Variants in DDX42 observed in about 807,000 individuals in gnomAD.
DDX42 encodes the protein ATP-dependent RNA helicase DDX42.
DDX42 carries 22 observed loss-of-function variants against 101.5 expected under a neutral mutation model. The ratio of observed to expected loss-of-function variants is 0.22; its 90% CI spans 0.15 to 0.31. The LOEUF is 0.31. Among genes scored for constraint, DDX42 ranks in the 10% least tolerant of loss-of-function variants. The pLI, the probability that DDX42 is intolerant of heterozygous loss-of-function variation, is 1.00. For synonymous variants in DDX42, 402 were observed against 401.2 expected (o/e 1.00, Z -0.02); for missense variants, 849 against 1,199.9 (o/e 0.71, Z 4.32).
At chr17:63,812,743 A>C (rs991111236) in intron 14 of DDX42, among the ~76,000 whole-genome samples, 6 of 152,102 alleles carry the variant, frequency 3.9e-5, no homozygotes, top group African/African-American at 7.2e-5. Flanking sequence ...TAAAAGTCCC[A>C]GTCGGGCACG....
chr17:63,802,958 A>C (rs1460900211), intron 6 of DDX42, among the ~76,000 whole-genome samples: 3 of 152,196 alleles, frequency 2.0e-5, no homozygotes, highest in Admixed American at 6.5e-5. Flanking sequence ...AGAATTTGGA[A>C]AACTTACATC....
At chr17:63,799,224 T>C (rs1026351654) in intron 4 of DDX42, among the ~76,000 whole-genome samples, 2 of 152,212 alleles carry the variant, frequency 1.3e-5, no homozygotes, top group African/African-American at 4.8e-5. Flanking sequence ...ATACAAGATT[T>C]TTTTTTTCTT....
chr17:63,818,480 G>C lies in DDX42; in HGVS notation c.*82G>C. On this transcript the variant is annotated 3_prime_UTR_variant, in exon 18 of 18. Transcript: ENST00000389924. ...AACTAGGTGTCTCAGGGCTGGGTTG[G>C]GGTCCAAAGTGTAAGGACCCCCTGC... The C allele has an allele frequency of 7.3e-7, 1 of 1,371,592 alleles. No homozygotes were observed. The highest frequency in any genetic ancestry group is 9.8e-7 in the Non-Finnish European group (1 of 1,019,310). The allele number at this position is 1,371,592 out of a possible 1,614,324, so 85.0% of individuals were successfully genotyped here.
rs767786291 is a variant in DDX42 at position 63,818,210 on chromosome 17, G to A, written c.2629G>A (p.Ala877Thr). 3 of 1,614,044 alleles carry A rather than the reference G, an allele frequency of 1.9e-6. No homozygotes were observed. Among genetic ancestry groups the A allele is most frequent in the South Asian group, 2.2e-5 (2 of 91,076 alleles). ...AGGCCGGCATGGGGAGAACCGGGGT[G>A]CAAATGATGGTCGGAATGGGGAAAG... ...SAGRHGENRG[A>T]NDGRNGESRK... Residue 877 changes from alanine (A) to threonine (T), a missense_variant, in exon 18 of 18, where the codon GCA becomes ACA. By Grantham distance (58) the Ala-to-Thr change is moderately conservative. This residue lies in a region of DDX42 where 300 missense variants were observed against 304.9 expected (regional missense o/e 0.98). Transcript: ENST00000389924.
Position 63,787,032 on chromosome 17 carries a change from A to C in DDX42, c.-16-2A>C, listed in dbSNP as rs1418099919. ...TATATTTGTGTATCTTATTCCTAACAGGTCAGTCATTGGCACCATGAACTG... is the reference window on the plus strand; with the variant it reads ...TATATTTGTGTATCTTATTCCTAACCGGTCAGTCATTGGCACCATGAACTG... On this transcript the variant is annotated splice_acceptor_variant, in intron 1 of 17. Transcript: ENST00000389924. LOFTEE classifies it low-confidence loss of function (5UTR_SPLICE). 6.2e-7 allele frequency: 1 copy of C among 1,613,792 alleles called. No homozygotes were observed. Among genetic ancestry groups the C allele is most frequent in the South Asian group, 1.1e-5 (1 of 91,038 alleles).
chr17:63,798,151 T>C (rs1191946748), intron 4 of DDX42, 52 bp downstream of exon 4: 1 of 1,554,886 alleles, frequency 6.4e-7, no homozygotes, highest in East Asian at 2.3e-5. Flanking sequence ...TGCTGAAGTA[T>C]TGCAAAGTCT....
intron 1 of DDX42, among the ~76,000 whole-genome samples, chr17:63,780,310 A>C (rs2039472278): frequency 1.3e-5 from 2 of 152,092 alleles, no homozygotes. Flanking sequence ...AACAAAAAAA[A>C]AAAAAAGTAG....
chr17:63,790,540 C>T (rs1433666734), intron 2 of DDX42, among the ~76,000 whole-genome samples: 3 of 152,156 alleles, frequency 2.0e-5, no homozygotes, highest in Admixed American at 6.6e-5. Flanking sequence ...GCGGGCGGAT[C>T]GCCTGAAGTC....
rs767638323 is a variant in DDX42 at position 63,817,755 on chromosome 17, C to T, written c.2174C>T (p.Ala725Val). Residue 725 changes from alanine (A) to valine (V), a missense_variant, in exon 18 of 18, where the codon GCT becomes GTT. Physicochemically the swap from Ala to Val is moderately conservative, Grantham distance 64 (BLOSUM62 0). Coordinates refer to ENST00000389924, the MANE Select transcript of DDX42 (RefSeq NM_203499.3). ...AGTAATCAGAAGGCTGGAAGTTCTGCTGCTGGGGCAAGTGGGTGGACTAGT... is the reference window on the plus strand; with the variant it reads ...AGTAATCAGAAGGCTGGAAGTTCTGTTGCTGGGGCAAGTGGGTGGACTAGT... ...SLSNQKAGSSAAGASGWTSAG... is the reference protein window; with the variant it reads ...SLSNQKAGSSVAGASGWTSAG... 6.2e-7 allele frequency: 1 copy of T among 1,614,226 alleles called. No homozygotes were observed. The highest frequency in any genetic ancestry group is 8.5e-7 in the Non-Finnish European group (1 of 1,180,040).
intron 15 of DDX42, 26 bp from the exon 16 acceptor site, chr17:63,815,537 T>C: frequency 6.4e-7 from 1 of 1,561,228 alleles, no homozygotes; most frequent in Non-Finnish European, 8.8e-7. Context: ...CTCCCTTGAC[T>C]TAACCTTGAA....
intron 1 of DDX42, among the ~76,000 whole-genome samples, chr17:63,782,692 CTTAG>C (rs2039503043): frequency 6.6e-6 from 1 of 152,144 alleles, no homozygotes; most frequent in Non-Finnish European, 1.5e-5. Flanking sequence ...CAGGTGCTTT[CTTAG>C]TTCAGAATTT....
chr17:63,794,465 A>G (rs900709210), intron 3 of DDX42, among the ~76,000 whole-genome samples: 4 of 151,782 alleles, frequency 2.6e-5, no homozygotes, highest in Non-Finnish European at 5.9e-5. Context: ...AGCCATGATC[A>G]TGCCACTACT....
chr17:63,804,986 T>C, intron 6 of DDX42, 85 bp from the exon 7 acceptor site: 1 of 1,493,968 alleles, frequency 6.7e-7, no homozygotes, highest in East Asian at 2.4e-5. Flanking sequence ...TGTGTAAAAT[T>C]TGGAAAAGAT....
intron 1 of DDX42, among the ~76,000 whole-genome samples, chr17:63,780,841 C>T (rs1434033306): frequency 6.6e-6 from 1 of 152,184 alleles, no homozygotes; most frequent in African/African-American, 2.4e-5. Flanking sequence ...CTTTTCACTC[C>T]TTCCCTCTAG....
At chr17:63,793,870 AT>A (rs2039659163) in intron 3 of DDX42, among the ~76,000 whole-genome samples, 3 of 148,492 alleles carry the variant, frequency 2.0e-5, no homozygotes, top group Admixed American at 6.7e-5. Context: ...ATATATATAT[AT>A]ATATATATAA....
chr17:63,814,278 C>T lies in DDX42; in HGVS notation c.1902+824C>T, dbSNP rs150440062. Among the ~76,000 whole-genome samples the T allele has an allele frequency of 1.7e-3, 266 of 152,320 alleles. 1 individual carries two copies. Among genetic ancestry groups the T allele is most frequent in the Middle Eastern group, 3.4e-3 (1 of 294 alleles). ...AAATCAAACCTGGAGTCATCTGAAT[C>T]CATGCTGTCCCCAAATTACAAATGG... On this transcript the variant is annotated intron_variant, in intron 15 of 17. Transcript: ENST00000389924.
chr17:63,798,995 T>C (rs1460190839), intron 4 of DDX42, among the ~76,000 whole-genome samples: 1 of 152,222 alleles, frequency 6.6e-6, no homozygotes, highest in East Asian at 1.9e-4. Context: ...TAAGCAACCA[T>C]ATTTTCTCTA....
intron 3 of DDX42, among the ~76,000 whole-genome samples, chr17:63,795,942 A>G (rs1032099727): frequency 1.3e-5 from 2 of 152,152 alleles, no homozygotes; most frequent in African/African-American, 4.8e-5. Flanking sequence ...CCACTTACAA[A>G]CTATACAGGA....
At chr17:63,799,286 A>G (rs2039732377) in intron 4 of DDX42, among the ~76,000 whole-genome samples, 1 of 152,176 alleles carries the variant, frequency 6.6e-6, no homozygotes, top group African/African-American at 2.4e-5. Context: ...TGGATTCACA[A>G]AACTAGGACC....
Sources: gnomAD v4.1 joint callset for allele counts (sites outside exome capture counted in the v4.1 genomes callset) on GRCh38, gnomAD v4.1.1 for gene constraint, gnomAD v4.1.1 regional missense constraint, MANE v1.5 for transcripts, NCBI Gene and HGNC (gene_info 2026-07-23, HGNC 2026-07-21) for gene names.